The following UBE2R2 variants were observed in gnomAD, a reference collection of about 807,000 sequenced individuals.
The protein encoded by UBE2R2 is ubiquitin-conjugating enzyme E2 R2.
Under a neutral mutation model 27.8 loss-of-function variants are expected in UBE2R2, and 1 was observed. That is an observed-to-expected ratio of 0.04 (90% CI 0.01 to 0.17). The LOEUF is 0.17. Ranked by LOEUF, UBE2R2 falls within the 10% of genes least tolerant of loss-of-function variation. The pLI is 1.00. For missense variants in UBE2R2, 100 were observed against 291.0 expected, an observed-to-expected ratio of 0.34 and a Z score of 4.78; for synonymous variants, 106 against 113.3, an observed-to-expected ratio of 0.94 and a Z score of 0.41.
At chr9:33,829,599 T>G (rs1015247823) in intron 1 of UBE2R2, among the ~76,000 whole-genome samples, 2 of 152,140 alleles carry the variant, frequency 1.3e-5, no homozygotes, top group African/African-American at 2.4e-5. Context: ...TGAGAGATGA[T>G]AGAGAAAGTT....
At chr9:33,895,161 A>G (rs188479438) in intron 2 of UBE2R2, among the ~76,000 whole-genome samples, 22 of 152,310 alleles carry the variant, frequency 1.4e-4, no homozygotes, top group Non-Finnish European at 1.5e-4. Flanking sequence ...GATGCATAAA[A>G]GTTTTCCATT....
Position 33,919,408 on chromosome 9 carries a change from G to C in UBE2R2, c.*2171G>C, listed in dbSNP as rs1014060124. 6.6e-6 allele frequency: 1 copy of C among 152,116 alleles called. No homozygotes were observed. The highest frequency in any genetic ancestry group is 1.5e-5 in the Non-Finnish European group (1 of 68,052). The allele number at this position is 152,116 out of a possible 1,614,324, so 9.4% of individuals were successfully genotyped here. ...TTTGCTAAAGCATCTCACTCCCAGG[G>C]CAGCCCCAGCACCCTGGCATTGCGG... On this transcript the variant is annotated 3_prime_UTR_variant, in exon 5 of 5. Coordinates refer to ENST00000263228, the MANE Select transcript of UBE2R2 (RefSeq NM_017811.4).
intron 1 of UBE2R2, among the ~76,000 whole-genome samples, chr9:33,830,232 A>T (rs1376525308): frequency 3.5e-5 from 5 of 143,538 alleles, no homozygotes; most frequent in Non-Finnish European, 6.0e-5. Flanking sequence ...ACCTCAGCTC[A>T]CTGCACCTTC....
intron 3 of UBE2R2, among the ~76,000 whole-genome samples, chr9:33,904,294 T>C (rs1282910566): frequency 6.6e-6 from 1 of 152,188 alleles, no homozygotes; most frequent in African/African-American, 2.4e-5. Flanking sequence ...CTTGTACCTC[T>C]CTGCTGCTAA....
At chr9:33,867,914 G>A (rs1341111459) in intron 1 of UBE2R2, among the ~76,000 whole-genome samples, 1 of 152,188 alleles carries the variant, frequency 6.6e-6, no homozygotes, top group East Asian at 1.9e-4. Context: ...GCAAGACAGG[G>A]CCTGCCAAGT....
At chr9:33,896,261 C>T (rs1446598477) in intron 2 of UBE2R2, among the ~76,000 whole-genome samples, 1 of 151,628 alleles carries the variant, frequency 6.6e-6, no homozygotes, top group Non-Finnish European at 1.5e-5. Flanking sequence ...AGATGCTTTT[C>T]TCCCCTTCAA....
intron 2 of UBE2R2, among the ~76,000 whole-genome samples, chr9:33,888,181 T>C (rs1207042806): frequency 6.6e-6 from 1 of 152,230 alleles, no homozygotes; most frequent in Non-Finnish European, 1.5e-5. Flanking sequence ...AAGAACAATG[T>C]GTAATCTGCA....
chr9:33,914,293 G>A (rs562511275), intron 4 of UBE2R2, among the ~76,000 whole-genome samples: 1 of 152,022 alleles, frequency 6.6e-6, no homozygotes, highest in East Asian at 1.9e-4. Flanking sequence ...TACTTTTTCA[G>A]GTGAAAAAAG....
intron 2 of UBE2R2, among the ~76,000 whole-genome samples, chr9:33,892,390 T>C: frequency 6.6e-6 from 1 of 152,158 alleles, no homozygotes; most frequent in East Asian, 1.9e-4. Context: ...TAAACATTTT[T>C]TATAATAGAC....
chr9:33,842,426 G>A (rs1691083282), intron 1 of UBE2R2, among the ~76,000 whole-genome samples: 1 of 151,988 alleles, frequency 6.6e-6, no homozygotes, highest in African/African-American at 2.4e-5. Context: ...AATTTGTATT[G>A]ACAAAATTCA....
At chr9:33,837,051 T>G (rs180775720) in intron 1 of UBE2R2, among the ~76,000 whole-genome samples, 1 of 152,186 alleles carries the variant, frequency 6.6e-6, no homozygotes, top group African/African-American at 2.4e-5. Context: ...TTCACATTGC[T>G]GTAGGTACTT....
intron 1 of UBE2R2, among the ~76,000 whole-genome samples, chr9:33,836,906 A>T (rs1278081343): frequency 1.3e-5 from 2 of 152,140 alleles, no homozygotes; most frequent in Non-Finnish European, 2.9e-5. Flanking sequence ...AATTTCGAGG[A>T]CATTACTGTA....
chr9:33,832,733 G>T (rs1563982433), intron 1 of UBE2R2, among the ~76,000 whole-genome samples: 1 of 151,186 alleles, frequency 6.6e-6, no homozygotes, highest in Non-Finnish European at 1.5e-5. Context: ...TTTTTTCAAG[G>T]TTTTTTTTAA....
chr9:33,870,030 A>G (rs1448372189), intron 1 of UBE2R2, among the ~76,000 whole-genome samples: 1 of 151,722 alleles, frequency 6.6e-6, no homozygotes, highest in African/African-American at 2.4e-5. Flanking sequence ...TATTTTTAGT[A>G]GAGACTAGGT....
At chr9:33,832,914 G>T (rs1820526759) in intron 1 of UBE2R2, among the ~76,000 whole-genome samples, 1 of 151,930 alleles carries the variant, frequency 6.6e-6, no homozygotes, top group Non-Finnish European at 1.5e-5. Flanking sequence ...CCACAGCAGG[G>T]CAGTTTTTAT....
At chr9:33,865,192 C>A (rs369669724) in intron 1 of UBE2R2, among the ~76,000 whole-genome samples, 28 of 151,174 alleles carry the variant, frequency 1.9e-4, no homozygotes, top group Admixed American at 7.3e-4. Flanking sequence ...CTGTCTCTCT[C>A]TCTATCTATC....
chr9:33,877,321 A>G (rs987529616), intron 1 of UBE2R2, among the ~76,000 whole-genome samples: 2 of 151,386 alleles, frequency 1.3e-5, no homozygotes, highest in Admixed American at 6.6e-5. Flanking sequence ...AGCTGGGACT[A>G]CTGGTGCCCG....
At chr9:33,879,231 TAATCAGTCAATC>T (rs1188095762) in intron 1 of UBE2R2, among the ~76,000 whole-genome samples, 4 of 152,078 alleles carry the variant, frequency 2.6e-5, no homozygotes, top group East Asian at 1.9e-4. Flanking sequence ...AACCCTGTCT[TAATCAGTCAATC>T]AATCAGTCGA....
At chr9:33,834,814 G>A (rs2477516) in intron 1 of UBE2R2, among the ~76,000 whole-genome samples, 6,081 of 151,658 alleles carry the variant, frequency 0.04, 268 homozygotes, top group African/African-American at 0.1. Flanking sequence ...GGAGGCTGAG[G>A]CAGGAGAATC....
Sources: allele counts gnomAD v4.1 joint callset (sites outside exome capture counted in the v4.1 genomes callset), GRCh38; gene constraint gnomAD v4.1.1; transcripts MANE v1.5; gene names NCBI Gene and HGNC (gene_info 2026-07-23, HGNC 2026-07-21).